NUAK1: variants seen among roughly 807,000 people sequenced by gnomAD.
The protein encoded by NUAK1 is NUAK family SNF1-like kinase 1.
A neutral mutation model predicts 56.9 loss-of-function variants in NUAK1; 26 were observed. That is an observed-to-expected ratio of 0.46 (90% confidence interval 0.33 to 0.63). NUAK1 has a LOEUF of 0.63. NUAK1 is among the 30% of genes least tolerant of loss of function. The pLI, the probability that NUAK1 is intolerant of heterozygous loss-of-function variation, is 0.02. For missense variants in NUAK1, 727 were observed against 876.1 expected, an observed-to-expected ratio of 0.83 and a Z score of 2.15; for synonymous variants, 337 against 336.0, an observed-to-expected ratio of 1.00 and a Z score of -0.03.
intron 1 of NUAK1, among the ~76,000 whole-genome samples, chr12:106,128,752 G>A (rs1010055498): frequency 2.6e-5 from 4 of 152,082 alleles, no homozygotes; most frequent in Admixed American, 1.3e-4. Flanking sequence ...ACCATTCCCC[G>A]CCCTTCCAGG....
At chr12:106,123,080 G>C (rs113146851) in intron 1 of NUAK1, among the ~76,000 whole-genome samples, 70 of 152,348 alleles carry the variant, frequency 4.6e-4, no homozygotes, top group African/African-American at 1.6e-3. Flanking sequence ...CTCATGCAAA[G>C]CAATGCTGAT....
In NUAK1 at chr12:106,138,373, C is replaced by T; in HGVS notation, c.240+41G>A. ...CACGCCCTCAGTCCCCGGCCGCGTC[C>T]ACCCAGCGCCCCCCGCACCCTCCAG... On this transcript the variant is annotated intron_variant, in intron 1 of 6. Coordinates refer to ENST00000261402, the MANE Select transcript of NUAK1 (RefSeq NM_014840.3). The surrounding 1 kb of genome is among the most constrained non-coding windows in gnomAD (Gnocchi z 5.0). The T allele has an allele frequency of 6.4e-7, 1 of 1,560,596 alleles. No individual in the cohort carries two copies. The highest frequency in any genetic ancestry group is 8.6e-7 in the Non-Finnish European group (1 of 1,158,480).
chr12:106,108,434 A>G (rs2032825691), intron 1 of NUAK1, among the ~76,000 whole-genome samples: 1 of 152,180 alleles, frequency 6.6e-6, no homozygotes, highest in Non-Finnish European at 1.5e-5. Context: ...TTCAGCAGAG[A>G]GCCAGACTCA....
chr12:106,113,540 T>C lies in NUAK1; in HGVS notation c.241-7015A>G, dbSNP rs140462789. ...TGTTCAGGGTAGGGGGCAGACCTGG[T>C]ATCAGCATTCTTTACAGCCTCCCAG... On this transcript the variant is annotated intron_variant, in intron 1 of 6. Coordinates refer to ENST00000261402, the MANE Select transcript of NUAK1 (RefSeq NM_014840.3). Among the ~76,000 whole-genome samples, 268 of 151,966 alleles carry C rather than the reference T, an allele frequency of 1.8e-3. 1 individual carries two copies. The highest frequency in any genetic ancestry group is 5.5e-3 in the African/African-American group (229 of 41,428).
In NUAK1 at chr12:106,066,870, G is replaced by C; in HGVS notation, c.1918C>G (p.Leu640Val). 2.5e-6 allele frequency: 4 copies of C among 1,614,232 alleles called. No homozygotes were observed. The highest frequency in any genetic ancestry group is 1.3e-5 in the African/African-American group (1 of 75,082). ...TGAGTCACATCATCCATGTCTGTGA[G>C]GAGGGAGAAGCTGCTGTCTGCCAGC... ...NRLADSSFSLLTDMDDVTQVY... is the reference protein window; with the variant it reads ...NRLADSSFSLVTDMDDVTQVY... The change falls in exon 7 of 7, where the codon CTC (leucine) becomes GTC (valine). Residue 640 changes from leucine to valine, a missense_variant. Physicochemically the swap from Leu to Val is conservative, Grantham distance 32. Coordinates refer to ENST00000261402, the MANE Select transcript of NUAK1 (RefSeq NM_014840.3).
intron 2 of NUAK1, among the ~76,000 whole-genome samples, chr12:106,100,838 C>T (rs1565923711): frequency 1.3e-5 from 2 of 152,300 alleles, no homozygotes; most frequent in Non-Finnish European, 1.5e-5. Context: ...GTTGTTGTTG[C>T]TGTCACTATG....
intron 1 of NUAK1, among the ~76,000 whole-genome samples, chr12:106,133,999 G>A (rs547295524): frequency 1.3e-5 from 2 of 152,184 alleles, no homozygotes; most frequent in Non-Finnish European, 2.9e-5. Flanking sequence ...TTTGCTACTA[G>A]ATTATAAGTT....
rs549791162 is a variant in NUAK1 at position 106,090,753 on chromosome 12, T to C, written c.362-3868A>G. 6.6e-5 allele frequency among the ~76,000 whole-genome samples: 10 copies of C among 152,278 alleles called. No individual in the cohort carries two copies. In the South Asian group the frequency reaches 2.1e-3, roughly 32 times the overall value. On this transcript the variant is annotated intron_variant, in intron 2 of 6. Transcript: ENST00000261402. ...GGTGCCCCGGCCAGTGCTCAACGAA[T>C]GGAAGCTGTGCTCATAATTACTTCA... is the stretch of plus-strand genomic sequence containing the variant.
At chr12:106,099,205 C>T (rs1007426525) in intron 2 of NUAK1, among the ~76,000 whole-genome samples, 2 of 152,164 alleles carry the variant, frequency 1.3e-5, no homozygotes, top group Non-Finnish European at 2.9e-5. Flanking sequence ...AAGAAAGACA[C>T]ATTTGAAAGG....
At position 106,110,999 on chromosome 12, in the gene NUAK1, G is replaced by A. The variant is rs556661136; in HGVS notation, c.241-4474C>T. ...CTCTCCCACATTGGCTGCTGTGGGTGTTCAGAGCTTGGTGACCTAGGAAGG... is the reference window on the plus strand; with the variant it reads ...CTCTCCCACATTGGCTGCTGTGGGTATTCAGAGCTTGGTGACCTAGGAAGG... On this transcript the variant is annotated intron_variant, in intron 1 of 6. Coordinates refer to ENST00000261402, the MANE Select transcript of NUAK1 (RefSeq NM_014840.3). 5.9e-5 allele frequency among the ~76,000 whole-genome samples: 9 copies of A among 152,280 alleles called. No homozygotes were observed. In the East Asian group the frequency reaches 1.5e-3, roughly 26 times the overall value.
At chr12:106,074,966 C>T (rs4519186) in intron 4 of NUAK1, among the ~76,000 whole-genome samples, 1 of 152,118 alleles carries the variant, frequency 6.6e-6, no homozygotes, top group Non-Finnish European at 1.5e-5. Flanking sequence ...CATGGAATGG[C>T]TACGCACAGG....
At chr12:106,135,720 T>A (rs1328527736) in intron 1 of NUAK1, among the ~76,000 whole-genome samples, 1 of 152,188 alleles carries the variant, frequency 6.6e-6, no homozygotes, top group Non-Finnish European at 1.5e-5. Flanking sequence ...TACCCAAAGA[T>A]CAAAAGGCTA....
intron 2 of NUAK1, among the ~76,000 whole-genome samples, chr12:106,100,954 T>C (rs2032741227): frequency 1.3e-5 from 2 of 152,252 alleles, no homozygotes; most frequent in Admixed American, 1.3e-4. Context: ...ATAGCCACTT[T>C]GGTGCCTTAG....
intron 5 of NUAK1, 134 bp from the exon 6 acceptor site, chr12:106,071,040 G>T: frequency 1.2e-6 from 1 of 866,604 alleles, no homozygotes; most frequent in Non-Finnish European, 1.8e-6. Flanking sequence ...CTGGAAGATA[G>T]GTTCCTAGTG....
At chr12:106,078,765 G>A (rs968054702) in intron 4 of NUAK1, among the ~76,000 whole-genome samples, 1 of 152,144 alleles carries the variant, frequency 6.6e-6, no homozygotes, top group African/African-American at 2.4e-5. Context: ...TTAAAAGAGG[G>A]CGCGTCCAAG....
At chr12:106,075,318 C>CACAGAG (rs142856878) in intron 4 of NUAK1, among the ~76,000 whole-genome samples, 4 of 146,858 alleles carry the variant, frequency 2.7e-5, no homozygotes, top group South Asian at 4.4e-4. Flanking sequence ...CACACACACA[C>CACAGAG]AGAGAGAGAG....
At chr12:106,097,175 C>T (rs563540380) in intron 2 of NUAK1, among the ~76,000 whole-genome samples, 1 of 152,310 alleles carries the variant, frequency 6.6e-6, no homozygotes, top group South Asian at 2.1e-4. Context: ...ATTTTATAGA[C>T]AAGGAAACAG....
Position 106,067,278 on chromosome 12 carries a change from G to C in NUAK1, c.1510C>G (p.Pro504Ala), listed in dbSNP as rs1173528526. Residue 504 changes from proline (P) to alanine (A), a missense_variant, in exon 7 of 7, where the codon CCC becomes GCC. Transcript: ENST00000261402. The surrounding 1 kb of genome is among the most constrained non-coding windows in gnomAD (Gnocchi z 6.0). The part of the protein sequence containing the change: ...NDVMGSSIPS[P>A]SPPDPARVTS... Reference sequence around the variant, plus strand: ...ACCCTGGCTGGGTCCGGGGGGCTGGGGGAGGGGATGCTGCTGCCCATCACA... The same window carrying C: ...ACCCTGGCTGGGTCCGGGGGGCTGGCGGAGGGGATGCTGCTGCCCATCACA... 1 of 1,614,160 alleles carries C rather than the reference G, an allele frequency of 6.2e-7. No individual in the cohort carries two copies. Among genetic ancestry groups the C allele is most frequent in the Non-Finnish European group, 8.5e-7 (1 of 1,180,006 alleles).
Position 106,106,478 on chromosome 12 carries a change from G to A in NUAK1, c.288C>T (p.Asp96=), listed in dbSNP as rs1592857182. ...CAATCTCTCGTCTGATGTGAACCAT[G>A]TCTTGTTCATCCTTAATTTTGTCCT... is the stretch of plus-strand genomic sequence containing the variant. ...IRKDKIKDEQ[D]MVHIRREIEI... Residue 96 remains aspartate (D), a synonymous_variant, in exon 2 of 7, where the codon GAC becomes GAT. Transcript: ENST00000261402. 5.0e-6 allele frequency: 8 copies of A among 1,611,586 alleles called. No individual in the cohort carries two copies. Among genetic ancestry groups the A allele is most frequent in the Non-Finnish European group, 6.8e-6 (8 of 1,178,160 alleles).
Sources: allele counts gnomAD v4.1 joint callset (sites outside exome capture counted in the v4.1 genomes callset), GRCh38; gene constraint gnomAD v4.1.1; non-coding constraint Gnocchi (gnomAD v3.1); transcripts MANE v1.5; gene names NCBI Gene and HGNC (gene_info 2026-07-23, HGNC 2026-07-21).